The following ACSS3 variants were observed in gnomAD, a reference collection of about 807,000 sequenced individuals.
ACSS3 encodes the protein acyl-CoA synthetase short-chain family member 3, mitochondrial.
ACSS3 carries 64 observed loss-of-function variants against 84.2 expected under a neutral mutation model. The observed-to-expected ratio is 0.76, with a 90% CI of 0.62 to 0.94. The LOEUF (loss-of-function observed/expected upper bound fraction) is 0.94. ACSS3 is among the 40% of genes least tolerant of loss of function. The pLI, the probability that ACSS3 is intolerant of heterozygous loss-of-function variation, is 0.00. For missense variants in ACSS3, 815 were observed against 867.6 expected, an observed-to-expected ratio of 0.94 and a Z score of 0.76; for synonymous variants, 317 against 310.1, an observed-to-expected ratio of 1.02 and a Z score of -0.23.
chr12:81,248,339 A>G (rs997461811), intron 13 of ACSS3, among the ~76,000 whole-genome samples: 5 of 152,082 alleles, frequency 3.3e-5, no homozygotes, highest in African/African-American at 1.2e-4. Context: ...GAAATAAAAT[A>G]TGGTAAATGT....
Position 81,253,580 on chromosome 12 carries a change from T to G in ACSS3, c.1905T>G (p.Asn635Lys), listed in dbSNP as rs1383111229. The G allele has an allele frequency of 6.2e-7, 1 of 1,613,986 alleles. No homozygotes were observed. Among genetic ancestry groups the G allele is most frequent in the Non-Finnish European group, 8.5e-7 (1 of 1,179,922 alleles). ...QNIGPVAAFR[N>K]AVFVKQLPKT... is the part of the protein sequence containing the mutation. ...TTGGCCCTGTGGCTGCTTTTCGAAATGCAGTGTTTGTCAAACAGCTACCCA... is the reference window on the plus strand; with the variant it reads ...TTGGCCCTGTGGCTGCTTTTCGAAAGGCAGTGTTTGTCAAACAGCTACCCA... Residue 635 changes from asparagine (N) to lysine (K), a missense_variant, in exon 15 of 16, where the codon AAT (asparagine) becomes AAG (lysine). Coordinates refer to ENST00000548058, the MANE Select transcript of ACSS3 (RefSeq NM_024560.4).
chr12:81,247,519 G>C (rs938080077), intron 13 of ACSS3, among the ~76,000 whole-genome samples: 1 of 151,948 alleles, frequency 6.6e-6, no homozygotes, highest in Non-Finnish European at 1.5e-5. Context: ...TTTGTCACTG[G>C]GTCTTGGAGT....
intron 12 of ACSS3, 36 bp downstream of exon 12, chr12:81,231,174 T>C (rs1378693754): frequency 6.7e-7 from 1 of 1,485,132 alleles, no homozygotes; most frequent in Admixed American, 1.9e-5. Flanking sequence ...TCTTCTTATG[T>C]ACTTTTCTAT....
At chr12:81,246,411 T>G (rs2136004193) in intron 13 of ACSS3, among the ~76,000 whole-genome samples, 1 of 152,272 alleles carries the variant, frequency 6.6e-6, no homozygotes. Context: ...CTCTTAGGGC[T>G]TTTTCTGTCT....
At chr12:81,205,642 C>CT (rs1052638771) in intron 9 of ACSS3, among the ~76,000 whole-genome samples, 3 of 151,848 alleles carry the variant, frequency 2.0e-5, no homozygotes, top group South Asian at 2.1e-4. Flanking sequence ...GTCTAAGTCA[C>CT]TTTTTTTTCC....
chr12:81,111,193 G>A (rs963833330), intron 2 of ACSS3, among the ~76,000 whole-genome samples: 1 of 152,108 alleles, frequency 6.6e-6, no homozygotes, highest in African/African-American at 2.4e-5. Flanking sequence ...AAACCCTAAG[G>A]GAGAAAGAGC....
At chr12:81,097,119 CAT>C (rs1565973310) in intron 1 of ACSS3, among the ~76,000 whole-genome samples, 2 of 152,258 alleles carry the variant, frequency 1.3e-5, no homozygotes, top group African/African-American at 2.4e-5. Flanking sequence ...TAGTTAGACA[CAT>C]GTGGCTAGTC....
chr12:81,147,174 T>C (rs1404730718), intron 5 of ACSS3, among the ~76,000 whole-genome samples: 1 of 152,160 alleles, frequency 6.6e-6, no homozygotes, highest in Non-Finnish European at 1.5e-5. Flanking sequence ...TGGACATAGC[T>C]TCAGAATCAT....
rs557438852 is a variant in ACSS3 at position 81,229,566 on chromosome 12, A to C, written c.1515-1491A>C. ...TTTGTATTGTTATTTACAAGTATTT[A>C]CATAATAAGCTCAGTTAAGAGAACC... On this transcript the variant is annotated intron_variant, in intron 11 of 15. Coordinates refer to ENST00000548058, the MANE Select transcript of ACSS3 (RefSeq NM_024560.4). Among the ~76,000 whole-genome samples the C allele has an allele frequency of 9.3e-4, 142 of 152,054 alleles. 1 individual carries two copies. The highest frequency in any genetic ancestry group is 3.3e-3 in the African/African-American group (136 of 41,522).
At chr12:81,164,350 C>T (rs1253521734) in intron 7 of ACSS3, among the ~76,000 whole-genome samples, 1 of 152,142 alleles carries the variant, frequency 6.6e-6, no homozygotes, top group Non-Finnish European at 1.5e-5. Context: ...TGTATAAATA[C>T]ACTCTGTGAG....
At chr12:81,110,635 G>C (rs1192847650) in intron 2 of ACSS3, among the ~76,000 whole-genome samples, 2 of 152,094 alleles carry the variant, frequency 1.3e-5, no homozygotes, top group Non-Finnish European at 2.9e-5. Context: ...TTTTGTTGTG[G>C]GTGCTGCCAT....
chr12:81,240,343 C>G (rs1264752678), intron 13 of ACSS3, among the ~76,000 whole-genome samples: 1 of 151,912 alleles, frequency 6.6e-6, no homozygotes, highest in African/African-American at 2.4e-5. Context: ...CTGAAGTCTT[C>G]TGTGCTTGAA....
intron 1 of ACSS3, among the ~76,000 whole-genome samples, chr12:81,100,183 G>A (rs1882387453): frequency 6.7e-6 from 1 of 149,920 alleles, no homozygotes; most frequent in African/African-American, 2.4e-5. Flanking sequence ...AGGCATTAAT[G>A]AGCAAGGGGC....
intron 8 of ACSS3, among the ~76,000 whole-genome samples, chr12:81,192,818 T>C (rs1283631778): frequency 1.3e-5 from 2 of 152,348 alleles, no homozygotes; most frequent in African/African-American, 2.4e-5. Context: ...GGAAAACAGT[T>C]AAGACAATCA....
intron 2 of ACSS3, chr12:81,118,199 G>C (rs2121526772): frequency 6.6e-6 from 1 of 152,128 alleles, no homozygotes; most frequent in South Asian, 2.1e-4. Flanking sequence ...TTAAATGTTA[G>C]GTCAAAGGCT....
rs192316709 is a variant in ACSS3 at position 81,213,256 on chromosome 12, G to C, written c.1355-3645G>C. 8.3e-3 allele frequency among the ~76,000 whole-genome samples: 1,264 copies of C among 152,218 alleles called. 24 individuals carry two copies. Among genetic ancestry groups the C allele is most frequent in the African/African-American group, 0.029 (1,207 of 41,532 alleles). ...GTTAAGGATTGCAGCATGCTTAGGG[G>C]TTGTCACTAATCAGAAGCCTATTCT... On this transcript the variant is annotated intron_variant, in intron 9 of 15. Transcript: ENST00000548058.
intron 2 of ACSS3, among the ~76,000 whole-genome samples, chr12:81,120,212 G>C (rs1310079873): frequency 6.6e-6 from 1 of 152,180 alleles, no homozygotes; most frequent in Non-Finnish European, 1.5e-5. Flanking sequence ...GCTTTTGTTG[G>C]CTTAAGTTCT....
intron 9 of ACSS3, 152 bp downstream of exon 9, chr12:81,199,596 ATTG>A: frequency 6.7e-7 from 1 of 1,484,040 alleles, no homozygotes; most frequent in Admixed American, 2.0e-5. Flanking sequence ...CAATTTTTTT[ATTG>A]TTGTGTTATT....
chr12:81,185,473 A>T (rs1290445529), intron 8 of ACSS3, among the ~76,000 whole-genome samples: 1 of 151,812 alleles, frequency 6.6e-6, no homozygotes, highest in Non-Finnish European at 1.5e-5. Flanking sequence ...GTTATTACTA[A>T]TAAATGAAAT....
Sources: gnomAD v4.1 joint callset for allele counts (sites outside exome capture counted in the v4.1 genomes callset) on GRCh38, gnomAD v4.1.1 for gene constraint, MANE v1.5 for transcripts, NCBI Gene and HGNC (gene_info 2026-07-23, HGNC 2026-07-21) for gene names.